The following KDM4C variants were observed in gnomAD, a reference collection of about 807,000 sequenced individuals.
KDM4C encodes lysine demethylase 4C, also known as lysine-specific demethylase 4C.
Under a neutral mutation model 129.3 loss-of-function variants are expected in KDM4C, and 81 were observed. That is an observed-to-expected ratio of 0.63 (90% CI 0.52 to 0.75). KDM4C has a LOEUF of 0.75. KDM4C is among the 30% of genes least tolerant of loss of function. The probability of loss-of-function intolerance (pLI) is 0.00; values close to 1 mark genes in which losing one functional copy is unlikely to be tolerated. For missense variants in KDM4C, 1,457 were observed against 1,304.0 expected, an observed-to-expected ratio of 1.12 and a Z score of -1.81; for synonymous variants, 573 against 456.1, an observed-to-expected ratio of 1.26 and a Z score of -3.26.
At chr9:6,850,766 T>C (rs1017024908) in intron 5 of KDM4C, among the ~76,000 whole-genome samples, 1 of 151,448 alleles carries the variant, frequency 6.6e-6, no homozygotes, top group African/African-American at 2.4e-5. Context: ...TATTTATTTA[T>C]TTTTTCGAGA....
At chr9:6,821,851 T>G (rs975701774) in intron 4 of KDM4C, among the ~76,000 whole-genome samples, 8 of 152,140 alleles carry the variant, frequency 5.3e-5, no homozygotes, top group Non-Finnish European at 1.0e-4. Flanking sequence ...GCCAGACTGG[T>G]TTCTAACTCC....
chr9:7,070,744 G>A (rs992224278), intron 17 of KDM4C, among the ~76,000 whole-genome samples: 7 of 152,200 alleles, frequency 4.6e-5, no homozygotes, highest in Admixed American at 1.3e-4. Context: ...AACCTACTGC[G>A]AACATTAGAC....
chr9:6,809,376 C>T (rs116362994), intron 3 of KDM4C, among the ~76,000 whole-genome samples: 2,588 of 152,276 alleles, frequency 0.017, 90 homozygotes, highest in African/African-American at 0.058. Flanking sequence ...AAACTATTGA[C>T]TGTTTTCTGT....
chr9:7,122,223 A>T (rs977837491), intron 18 of KDM4C, among the ~76,000 whole-genome samples: 2 of 149,520 alleles, frequency 1.3e-5, no homozygotes, highest in African/African-American at 5.0e-5. Flanking sequence ...GGAGGAAGAG[A>T]TAGCAGTGGG....
At chr9:6,761,817 T>C (rs1303430868) in intron 1 of KDM4C, among the ~76,000 whole-genome samples, 2 of 152,064 alleles carry the variant, frequency 1.3e-5, no homozygotes, top group African/African-American at 2.4e-5. Flanking sequence ...GTCTCTTTTT[T>C]CTTTTTCTTT....
At chr9:6,726,134 G>C (rs145006338) in intron 1 of KDM4C, among the ~76,000 whole-genome samples, 1 of 151,764 alleles carries the variant, frequency 6.6e-6, no homozygotes, top group Non-Finnish European at 1.5e-5. Flanking sequence ...TCGCCGTCGC[G>C]GCCAGACTGG....
At chr9:6,829,068 A>G (rs1366235467) in intron 4 of KDM4C, among the ~76,000 whole-genome samples, 1 of 152,252 alleles carries the variant, frequency 6.6e-6, no homozygotes, top group Non-Finnish European at 1.5e-5. Flanking sequence ...CGTGTCAGCA[A>G]TGGTGGGTGT....
chr9:6,800,962 A>T (rs1390767712), intron 2 of KDM4C, among the ~76,000 whole-genome samples: 1 of 152,142 alleles, frequency 6.6e-6, no homozygotes, highest in African/African-American at 2.4e-5. Context: ...ACGTTGGAGG[A>T]TATAAAATAT....
At chr9:7,035,306 G>C (rs1430797815) in intron 15 of KDM4C, among the ~76,000 whole-genome samples, 1 of 82,502 alleles carries the variant, frequency 1.2e-5, no homozygotes, top group African/African-American at 3.5e-5. Context: ...GAGCTACCAT[G>C]CCTGGCCATT....
At chr9:6,866,007 C>A (rs1841900209) in intron 5 of KDM4C, among the ~76,000 whole-genome samples, 1 of 152,110 alleles carries the variant, frequency 6.6e-6, no homozygotes, top group African/African-American at 2.4e-5. Flanking sequence ...CCCGCCTCGG[C>A]CTCCCAGAGT....
chr9:7,085,554 A>T (rs1320385303), intron 17 of KDM4C, among the ~76,000 whole-genome samples: 1 of 152,176 alleles, frequency 6.6e-6, no homozygotes, highest in East Asian at 1.9e-4. Context: ...CTAGGATGAC[A>T]TTTAATTTTG....
At chr9:6,823,513 C>G (rs544891350) in intron 4 of KDM4C, among the ~76,000 whole-genome samples, 8 of 152,288 alleles carry the variant, frequency 5.3e-5, no homozygotes, top group Admixed American at 5.2e-4. Context: ...CTACCTGTCA[C>G]CTTCAACTTC....
chr9:6,843,330 C>T (rs1345177822), intron 4 of KDM4C, among the ~76,000 whole-genome samples: 1 of 152,210 alleles, frequency 6.6e-6, no homozygotes, highest in Non-Finnish European at 1.5e-5. Context: ...GGTCTGAACC[C>T]TCTCCCCATC....
chr9:7,028,742 C>T (rs1194424817), intron 15 of KDM4C, among the ~76,000 whole-genome samples: 1 of 152,104 alleles, frequency 6.6e-6, no homozygotes, highest in African/African-American at 2.4e-5. Flanking sequence ...CTTGCTGGAA[C>T]TGGGATGTGT....
intron 17 of KDM4C, among the ~76,000 whole-genome samples, chr9:7,066,768 T>G (rs1392924902): frequency 2.0e-5 from 3 of 152,214 alleles, no homozygotes; most frequent in African/African-American, 7.2e-5. Context: ...TTGTTGTTAC[T>G]TGTTTTAATG....
Position 6,872,986 on chromosome 9 carries a change from G to T in KDM4C, c.630-7026G>T, listed in dbSNP as rs375734080. Among the ~76,000 whole-genome samples the T allele has an allele frequency of 2.1e-3, 317 of 152,160 alleles. 3 individuals are homozygous for T. Among genetic ancestry groups the T allele is most frequent in the African/African-American group, 6.2e-3 (256 of 41,484 alleles). On this transcript the variant is annotated intron_variant, in intron 5 of 21. Coordinates refer to ENST00000381309, the MANE Select transcript of KDM4C (RefSeq NM_015061.6). ...TTGTGGCCCAGGCTGGAGTGCAATG[G>T]TGCAATCTCGTCTCATTGCAACCTC...
chr9:6,793,517 T>C (rs1296514401), intron 2 of KDM4C, among the ~76,000 whole-genome samples: 2 of 151,534 alleles, frequency 1.3e-5, no homozygotes, highest in Non-Finnish European at 2.9e-5. Flanking sequence ...TTTCTTTCCT[T>C]CTATGTTTTT....
intron 17 of KDM4C, among the ~76,000 whole-genome samples, chr9:7,094,737 C>G (rs923354829): frequency 1.3e-5 from 2 of 152,198 alleles, no homozygotes; most frequent in Admixed American, 1.3e-4. Flanking sequence ...GACTTTATAG[C>G]TTTTCATCAC....
intron 8 of KDM4C, among the ~76,000 whole-genome samples, chr9:6,966,195 T>C (rs948787754): frequency 2.0e-5 from 3 of 152,228 alleles, no homozygotes; most frequent in African/African-American, 7.2e-5. Flanking sequence ...TAATACTTTT[T>C]TTTTTTAGAC....
Sources: allele counts gnomAD v4.1 joint callset (sites outside exome capture counted in the v4.1 genomes callset), GRCh38; gene constraint gnomAD v4.1.1; transcripts MANE v1.5; gene names NCBI Gene and HGNC (gene_info 2026-07-23, HGNC 2026-07-21).